The following PRPF6 variants were observed in gnomAD, a reference collection of about 807,000 sequenced individuals.
PRPF6 encodes the protein pre-mRNA processing factor 6.
Under a neutral mutation model 118.3 loss-of-function variants are expected in PRPF6, and 42 were observed. The observed-to-expected ratio is 0.35, with a 90% CI of 0.28 to 0.46. The LOEUF is 0.46. Among genes scored for constraint, PRPF6 ranks in the 20% least tolerant of loss-of-function variants. The pLI, the probability that PRPF6 is intolerant of heterozygous loss-of-function variation, is 1.00. For synonymous variants in PRPF6, 481 were observed against 485.1 expected, an observed-to-expected ratio of 0.99 and a Z score of 0.11; for missense variants, 662 against 1,255.7, an observed-to-expected ratio of 0.53 and a Z score of 7.15.
chr20:64,011,230 C>T lies in PRPF6; in HGVS notation c.1306-55C>T. 6.4e-7 allele frequency: 1 copy of T among 1,560,106 alleles called. No individual in the cohort carries two copies. Among genetic ancestry groups the T allele is most frequent in the Non-Finnish European group, 8.8e-7 (1 of 1,134,886 alleles). The stretch of plus-strand genomic sequence containing the variant: ...GGAGGGTGGGTCGCTGTCTGGCCTG[C>T]AGCTGTCCCCCCAGCACAGTGTCCT... On this transcript the variant is annotated intron_variant, in intron 10 of 20. Transcript: ENST00000266079. This position sits in a 1 kb window ranked among gnomAD's most constrained non-coding sequence, Gnocchi z 6.7.
rs375631014 is a variant in PRPF6 at position 64,030,381 on chromosome 20, A to G, written c.2546+890A>G. 1.4e-3 allele frequency among the ~76,000 whole-genome samples: 220 copies of G among 152,314 alleles called. 3 individuals are homozygous for G. Among genetic ancestry groups the G allele is most frequent in the African/African-American group, 5.1e-3 (213 of 41,574 alleles). ...CCCTCCACCTGCCCCGCCATGGGTC[A>G]TGCAGAGACAACAGCCTTCCTAGTG... is the stretch of plus-strand genomic sequence containing the variant. On this transcript the variant is annotated intron_variant, in intron 19 of 20. Transcript: ENST00000266079.
intron 8 of PRPF6, 113 bp downstream of exon 8, chr20:63,999,872 T>C (rs1446806600): frequency 2.2e-6 from 3 of 1,333,622 alleles, no homozygotes; most frequent in Non-Finnish European, 3.1e-6. Flanking sequence ...CTACAGACAA[T>C]AGGGCAGGCT....
intron 6 of PRPF6, 84 bp from the exon 7 acceptor site, chr20:63,998,961 T>C (rs1164061399): frequency 3.4e-6 from 3 of 886,770 alleles, no homozygotes; most frequent in Non-Finnish European, 5.6e-6. Context: ...CTCAGGGTTG[T>C]GGGAGGGGCA....
In PRPF6 at chr20:63,981,332, G is replaced by C; in HGVS notation, c.71+16G>C. 6.4e-7 allele frequency: 1 copy of C among 1,569,476 alleles called. No individual in the cohort carries two copies. The highest frequency in any genetic ancestry group is 1.2e-5 in the South Asian group (1 of 86,150). ...TGGGCCGGGGGTGAGGCCTGGGGCG[G>C]CGCGCGAGGGGCGGGGACCCGGCTA... On this transcript the variant is annotated intron_variant, in intron 1 of 20. Transcript: ENST00000266079.
intron 6 of PRPF6, 56 bp from the exon 7 acceptor site, chr20:63,998,989 A>T (rs1338492804): frequency 7.4e-7 from 1 of 1,354,930 alleles, no homozygotes; most frequent in Non-Finnish European, 1.1e-6. Context: ...CCCTCTGAGA[A>T]CTTTGTTTTG....
intron 10 of PRPF6, 135 bp downstream of exon 10, chr20:64,010,453 G>A: frequency 1.3e-6 from 1 of 782,486 alleles, no homozygotes; most frequent in Admixed American, 2.0e-5. Flanking sequence ...AGAAGGCCCT[G>A]TGGAACCCCA....
intron 3 of PRPF6, among the ~76,000 whole-genome samples, chr20:63,989,528 G>A (rs2059109432): frequency 6.6e-6 from 1 of 152,100 alleles, no homozygotes; most frequent in Admixed American, 6.6e-5. Flanking sequence ...CATAAGTCTA[G>A]AAAGTAACAG....
At chr20:64,031,868 T>C (rs1460252655) in intron 19 of PRPF6, 50 bp from the exon 20 acceptor site, 1 of 1,613,284 alleles carries the variant, frequency 6.2e-7, no homozygotes, top group African/African-American at 1.3e-5. Flanking sequence ...TGCCCCAGAA[T>C]ACCGTCCTGC....
intron 12 of PRPF6, 108 bp from the exon 13 acceptor site, chr20:64,022,649 T>G: frequency 6.6e-7 from 1 of 1,521,136 alleles, no homozygotes; most frequent in Non-Finnish European, 9.1e-7. Context: ...TGGTACACCT[T>G]CTAGCAGATA....
rs1319331066 is a variant in PRPF6 at position 63,999,853 on chromosome 20, G to A, written c.1023+94G>A. On this transcript the variant is annotated intron_variant, in intron 8 of 20. Coordinates refer to ENST00000266079, the MANE Select transcript of PRPF6 (RefSeq NM_012469.4). ...TTAGAGCAAATCTCTTTGTCTTTTGGTATTGAAACTACAGACAATAGGGCA... is the reference window on the plus strand; with the variant it reads ...TTAGAGCAAATCTCTTTGTCTTTTGATATTGAAACTACAGACAATAGGGCA... 5 of 1,475,552 alleles carry A rather than the reference G, an allele frequency of 3.4e-6. No individual in the cohort carries two copies. The South Asian group carries it at 4.8e-5, about 14-fold the overall frequency. 91.4% of individuals were successfully genotyped at this position (1,475,552 alleles called of 1,614,324 possible).
At position 63,983,038 on chromosome 20, in the gene PRPF6, C is replaced by T. The variant is rs569568751; in HGVS notation, c.72-9C>T. On this transcript the variant is annotated splice_polypyrimidine_tract_variant and intron_variant, in intron 1 of 20. Coordinates refer to ENST00000266079, the MANE Select transcript of PRPF6 (RefSeq NM_012469.4). ...TTCAGACACCCGGTGTCTTGGGGGTCTCCTGCAGCGCCACTGGCTTCACCA... is the reference window on the plus strand; with the variant it reads ...TTCAGACACCCGGTGTCTTGGGGGTTTCCTGCAGCGCCACTGGCTTCACCA... 3 of 1,613,666 alleles carry T rather than the reference C, an allele frequency of 1.9e-6. No homozygotes were observed. Among genetic ancestry groups the T allele is most frequent in the Admixed American group, 3.3e-5 (2 of 59,928 alleles).
rs536442682 is a variant in PRPF6, at chr20:64,021,935, G to A, written c.1648-822G>A. On this transcript the variant is annotated intron_variant, in intron 12 of 20. Transcript: ENST00000266079. ...GTATGCATATGCCTCAGCCACAGCC[G>A]TGTGTGTGCGTGTGTGTGTGTGTGC... Among the ~76,000 whole-genome samples, 1,095 of 132,054 alleles carry A rather than the reference G, an allele frequency of 8.3e-3. 8 individuals are homozygous for A. Among genetic ancestry groups the A allele is most frequent in the Non-Finnish European group, 0.012 (782 of 63,038 alleles). The allele number at this position is 132,054 out of a possible 152,430, so 86.6% of individuals were successfully genotyped here. A position where few individuals can be genotyped will look rare whatever the true frequency, so the allele number is the denominator to read the frequency against.
chr20:64,023,096 C>T (rs816930), intron 13 of PRPF6, among the ~76,000 whole-genome samples: 152,163 of 152,340 alleles, frequency 1, 75,993 homozygotes, highest in Middle Eastern at 1. Context: ...CATTTTCTAG[C>T]TGAGAAACAA....
In PRPF6 at chr20:64,024,501, G is replaced by A. The variant is rs955241140; in HGVS notation, c.1770-54G>A. 2.1e-5 allele frequency: 34 copies of A among 1,608,944 alleles called. No homozygotes were observed. The African/African-American group carries it at 4.4e-4, about 21-fold the overall frequency. On this transcript the variant is annotated intron_variant, in intron 13 of 20. Coordinates refer to ENST00000266079, the MANE Select transcript of PRPF6 (RefSeq NM_012469.4). ...TGCCCACGCCATGGCTGAGTGTGATGTGTGTTCTGGTTTATGGCCCTGCCT... is the reference window on the plus strand; with the variant it reads ...TGCCCACGCCATGGCTGAGTGTGATATGTGTTCTGGTTTATGGCCCTGCCT...
Position 64,026,008 on chromosome 20 carries a change from C to T in PRPF6, c.1978C>T (p.Arg660Trp), listed in dbSNP as rs868637780. The change falls in exon 15 of 21, where the codon CGG becomes TGG. Residue 660 changes from arginine (R) to tryptophan (W), a missense_variant. Transcript: ENST00000266079. The surrounding 1 kb of genome is among the most constrained non-coding windows in gnomAD (Gnocchi z 4.4). ...GGAGTCCGAGAATGATGAGTACGAG[C>T]GGGCCCGGAGGCTGCTGGCCAAGGC... ...KLESENDEYE[R>W]ARRLLAKARS... 6.2e-7 allele frequency: 1 copy of T among 1,612,090 alleles called. No homozygotes were observed. The highest frequency in any genetic ancestry group is 2.2e-5 in the East Asian group (1 of 44,886).
At chr20:64,000,928 G>A (rs2059163755) in intron 8 of PRPF6, 149 bp from the exon 9 acceptor site, 8 of 761,808 alleles carry the variant, frequency 1.1e-5, no homozygotes, top group Middle Eastern at 3.6e-4. Flanking sequence ...ATAAGGGGGC[G>A]ACTCCTGGTG....
intron 9 of PRPF6, among the ~76,000 whole-genome samples, chr20:64,008,462 C>T (rs1014515696): frequency 6.6e-6 from 1 of 151,830 alleles, no homozygotes; most frequent in African/African-American, 2.4e-5. Flanking sequence ...CGTGGCAATG[C>T]AAGCAGCGTC....
intron 9 of PRPF6, among the ~76,000 whole-genome samples, chr20:64,003,497 C>T (rs931736124): frequency 2.0e-5 from 3 of 152,176 alleles, no homozygotes; most frequent in Non-Finnish European, 2.9e-5. Context: ...GATGCATGTT[C>T]CCCCGACCCT....
At chr20:63,991,998 G>A (rs1004014181) in intron 3 of PRPF6, among the ~76,000 whole-genome samples, 2 of 152,188 alleles carry the variant, frequency 1.3e-5, no homozygotes, top group Non-Finnish European at 1.5e-5. Flanking sequence ...GGAAGAGAAG[G>A]AAGCAAGGAA....
Sources: gnomAD v4.1 joint callset for allele counts (sites outside exome capture counted in the v4.1 genomes callset) on GRCh38, gnomAD v4.1.1 for gene constraint, Gnocchi (gnomAD v3.1) non-coding constraint, MANE v1.5 for transcripts, NCBI Gene and HGNC (gene_info 2026-07-23, HGNC 2026-07-21) for gene names.